Variants in MESD observed in about 807,000 individuals in gnomAD.
MESD encodes the protein mesoderm development LRP chaperone.
A neutral mutation model predicts 12.9 loss-of-function variants in MESD; 7 were observed. That is an observed-to-expected ratio of 0.54 (90% CI 0.31 to 1.02). The LOEUF is 1.02. MESD is among the 50% of genes least tolerant of loss of function. The pLI is 0.05. For synonymous variants in MESD, 126 were observed against 115.6 expected, an observed-to-expected ratio of 1.09 and a Z score of -0.58; for missense variants, 342 against 296.7, an observed-to-expected ratio of 1.15 and a Z score of -1.12.
At chr15:80,967,620 T>C (rs1379593559) in intron 3 of MESD, among the ~76,000 whole-genome samples, 1 of 152,138 alleles carries the variant, frequency 6.6e-6, no homozygotes, top group Non-Finnish European at 1.5e-5. Context: ...TGGCTGAAGC[T>C]CTCTCCTGCA....
intron 4 of MESD, chr15:80,948,901 G>A (rs1567115679): frequency 6.2e-7 from 1 of 1,614,210 alleles, no homozygotes. Context: ...GCCCATCCCT[G>A]TGGTGAAGAA....
chr15:80,980,461 A>G (rs1902545613), intron 2 of MESD, among the ~76,000 whole-genome samples: 1 of 152,212 alleles, frequency 6.6e-6, no homozygotes, highest in South Asian at 2.1e-4. Context: ...TCCAAGCTCT[A>G]TGTGTGAACA....
intron 3 of MESD, among the ~76,000 whole-genome samples, chr15:80,967,189 G>C (rs1217180664): frequency 6.6e-6 from 1 of 152,168 alleles, no homozygotes; most frequent in Non-Finnish European, 1.5e-5. Flanking sequence ...CTACTTGGGA[G>C]GCTGAGGCAG....
At chr15:80,981,031 G>A (rs1193805224) in intron 2 of MESD, among the ~76,000 whole-genome samples, 1 of 151,632 alleles carries the variant, frequency 6.6e-6, no homozygotes. Flanking sequence ...TCCCCACGTT[G>A]GCCAGGATGA....
chr15:80,959,282 G>A (rs1902044041), intron 3 of MESD, among the ~76,000 whole-genome samples: 1 of 152,224 alleles, frequency 6.6e-6, no homozygotes, highest in Non-Finnish European at 1.5e-5. Flanking sequence ...GATGGAGGCT[G>A]GAGCTGCCGC....
intron 3 of MESD, chr15:80,952,310 A>C (rs1324032097): frequency 2.3e-6 from 1 of 443,676 alleles, no homozygotes; most frequent in Non-Finnish European, 4.5e-6. Flanking sequence ...GAAGGGAGAG[A>C]GTGAGAGGCA....
downstream of MESD, chr15:80,946,798 G>A (rs1427156804): frequency 6.0e-6 from 4 of 663,490 alleles, no homozygotes; most frequent in Non-Finnish European, 1.1e-5. Context: ...CATGGAAAGA[G>A]CCCGTCAGCT....
At chr15:80,952,023 TATC>T (rs1275065616) in exon 4 of MESD, 1 of 355,894 alleles carries the variant, frequency 2.8e-6, no homozygotes, top group Admixed American at 3.6e-5. Context: ...AAAGAGAAGA[TATC>T]ATTCATATGG....
rs555925084 is a variant in MESD at position 80,984,048 on chromosome 15, G to A, written c.214-1866C>T. On this transcript the variant is annotated intron_variant, in intron 1 of 2. Transcript: ENST00000261758. ...CCCGAGTAGCTGGGATTATAGGCAC[G>A]CACCACCACATCCAGCTAATTTTTG... is the stretch of plus-strand genomic sequence containing the variant. 4.0e-5 allele frequency among the ~76,000 whole-genome samples: 6 copies of A among 151,806 alleles called. No individual in the cohort carries two copies. The East Asian group carries it at 9.7e-4, about 25-fold the overall frequency.
chr15:80,951,190 C>A, intron 4 of MESD: 1 of 152,592 alleles, frequency 6.6e-6, no homozygotes, highest in South Asian at 2.1e-4. Flanking sequence ...CACTGTGAAC[C>A]ACTTAGGATG....
chr15:80,961,041 G>A lies in MESD; in HGVS notation c.*289-8745C>T, dbSNP rs7177627. Among the ~76,000 whole-genome samples the A allele has an allele frequency of 6.8e-3, 1,030 of 152,256 alleles. 10 individuals are homozygous for A. The highest frequency in any genetic ancestry group is 0.016 in the African/African-American group (656 of 41,562). ...GAGAGCTTTGGTCAGGAGCCCTTTC[G>A]TGGTCCCAGTAATTGCCCTCTCTCT... is the stretch of plus-strand genomic sequence containing the variant. On this transcript the variant is annotated intron_variant, in intron 3 of 4. Coordinates refer to the MESD transcript ENST00000561312.
chr15:80,985,234 C>A (rs142332561), intron 1 of MESD, among the ~76,000 whole-genome samples: 120 of 152,372 alleles, frequency 7.9e-4, no homozygotes, highest in African/African-American at 2.7e-3. Context: ...TGGCCTTGGG[C>A]AAGTTACTTA....
At chr15:80,957,315 A>G (rs531755166) in intron 3 of MESD, among the ~76,000 whole-genome samples, 39 of 152,354 alleles carry the variant, frequency 2.6e-4, no homozygotes, top group Admixed American at 1.5e-3. Flanking sequence ...GGACAGAAAG[A>G]TGACATGAAA....
intron 1 of MESD, among the ~76,000 whole-genome samples, chr15:80,988,428 T>C (rs1295139790): frequency 6.6e-6 from 1 of 152,170 alleles, no homozygotes; most frequent in Non-Finnish European, 1.5e-5. Context: ...AAGGGGAGGA[T>C]TTCTCATGAG....
At chr15:80,980,165 C>T (rs1442057406) in intron 2 of MESD, among the ~76,000 whole-genome samples, 1 of 152,200 alleles carries the variant, frequency 6.6e-6, no homozygotes, top group Non-Finnish European at 1.5e-5. Flanking sequence ...TCCACAGAGA[C>T]CAGTGGGCCT....
chr15:80,949,048 G>C, intron 4 of MESD: 1 of 1,281,962 alleles, frequency 7.8e-7, no homozygotes, highest in Non-Finnish European at 1.1e-6. Context: ...CCGTGTTTCA[G>C]CCCTGATGGG....
At chr15:80,968,541 A>G (rs1424859387) in intron 3 of MESD, among the ~76,000 whole-genome samples, 1 of 152,240 alleles carries the variant, frequency 6.6e-6, no homozygotes, top group Non-Finnish European at 1.5e-5. Context: ...GGCCAGGCAC[A>G]GTGGCTCACA....
intron 3 of MESD, chr15:80,953,060 G>C (rs1458472031): frequency 2.2e-6 from 1 of 456,082 alleles, no homozygotes; most frequent in African/African-American, 2.0e-5. Flanking sequence ...ATGGATAAGA[G>C]AAGGGCCTTT....
intron 3 of MESD, among the ~76,000 whole-genome samples, chr15:80,952,535 T>A (rs1177756146): frequency 6.6e-6 from 1 of 152,194 alleles, no homozygotes; most frequent in Non-Finnish European, 1.5e-5. Context: ...AACATTTCCA[T>A]CACCACAGAG....
Sources: allele counts gnomAD v4.1 joint callset (sites outside exome capture counted in the v4.1 genomes callset), GRCh38; gene constraint gnomAD v4.1.1; transcripts MANE v1.5; gene names NCBI Gene and HGNC (gene_info 2026-07-23, HGNC 2026-07-21).